PCDHGA3: variants seen among roughly 807,000 people sequenced by gnomAD.
The protein encoded by PCDHGA3 is protocadherin gamma subfamily A, 3, also known as protocadherin gamma-A3.
Under a neutral mutation model 58.5 loss-of-function variants are expected in PCDHGA3, and 40 were observed. That is an observed-to-expected ratio of 0.68 (90% CI 0.53 to 0.89). The LOEUF (loss-of-function observed/expected upper bound fraction) is 0.89, where lower values mean the gene tolerates loss of function less well. Among genes scored for constraint, PCDHGA3 ranks in the 40% least tolerant of loss-of-function variants. The pLI is 0.00. For synonymous variants in PCDHGA3, 530 were observed against 525.7 expected, an observed-to-expected ratio of 1.01 and a Z score of -0.11; for missense variants, 1,223 against 1,195.9, an observed-to-expected ratio of 1.02 and a Z score of -0.33.
At chr5:141,455,899 ATTTATTT>A (rs1441561749) in intron 1 of PCDHGA3, among the ~76,000 whole-genome samples, 5 of 148,258 alleles carry the variant, frequency 3.4e-5, no homozygotes, top group African/African-American at 1.2e-4. Context: ...TTATTTATTT[ATTTATTT>A]ATTTATTTTG....
At position 141,371,773 on chromosome 5, in the gene PCDHGA3, A is replaced by C. The variant is rs148367405; in HGVS notation, c.2424+25316A>C. The C allele has an allele frequency of 2.9e-5, 46 of 1,614,020 alleles. No individual in the cohort carries two copies. In the Middle Eastern group the frequency reaches 6.6e-4, roughly 23 times the overall value. On this transcript the variant is annotated intron_variant, in intron 1 of 3. Coordinates refer to ENST00000253812, the MANE Select transcript of PCDHGA3 (RefSeq NM_018916.4). ...TTCCACCAGGCCTCCTACACCGTGC[A>C]TGTAGCTGAGAACAATCCGCCTGGA...
intron 1 of PCDHGA3, among the ~76,000 whole-genome samples, chr5:141,469,684 T>C (rs1471928749): frequency 6.6e-6 from 1 of 152,256 alleles, no homozygotes; most frequent in Non-Finnish European, 1.5e-5. Flanking sequence ...ACATATGCAT[T>C]GGTCCTATGA....
chr5:141,361,618 G>C, intron 1 of PCDHGA3: 1 of 1,613,956 alleles, frequency 6.2e-7, no homozygotes, highest in Non-Finnish European at 8.5e-7. Context: ...CGTAGCGAGC[G>C]ACCTGAAGCC....
chr5:141,372,063 G>T, intron 1 of PCDHGA3: 2 of 1,613,548 alleles, frequency 1.2e-6, no homozygotes. Context: ...CGACCGCAAC[G>T]ACAATGCACC....
At chr5:141,466,019 G>C (rs1466918487) in intron 1 of PCDHGA3, among the ~76,000 whole-genome samples, 1 of 152,062 alleles carries the variant, frequency 6.6e-6, no homozygotes, top group African/African-American at 2.4e-5. Flanking sequence ...CTACTCGGGA[G>C]GGTGAGGCAG....
At chr5:141,366,457 C>A (rs747734622) in intron 1 of PCDHGA3, 11 of 1,614,106 alleles carry the variant, frequency 6.8e-6, no homozygotes, top group Non-Finnish European at 6.8e-6. Flanking sequence ...CCTTCGTCAT[C>A]GTGCTGCTGG....
At chr5:141,482,530 CAAAAAAA>C (rs3074545) in intron 1 of PCDHGA3, among the ~76,000 whole-genome samples, 2 of 76,560 alleles carry the variant, frequency 2.6e-5, no homozygotes, top group South Asian at 4.6e-4. Flanking sequence ...GACAGACATG[CAAAAAAA>C]AAAAAAAAAA....
chr5:141,427,370 G>A (rs915167509), intron 1 of PCDHGA3: 17 of 457,836 alleles, frequency 3.7e-5, no homozygotes, highest in African/African-American at 2.4e-4. Flanking sequence ...AACCCTGGAC[G>A]GTGATCACTC....
chr5:141,364,645 C>T (rs1036042236), intron 1 of PCDHGA3: 2 of 1,613,960 alleles, frequency 1.2e-6, no homozygotes, highest in African/African-American at 2.7e-5. Context: ...GTGTGGTGAA[C>T]TTTAACATCT....
intron 1 of PCDHGA3, among the ~76,000 whole-genome samples, chr5:141,407,088 G>T (rs955657125): frequency 4.6e-5 from 7 of 152,058 alleles, no homozygotes; most frequent in African/African-American, 1.7e-4. Context: ...ATGAAGAATT[G>T]TTTTATTTGT....
intron 1 of PCDHGA3, among the ~76,000 whole-genome samples, chr5:141,472,913 G>A (rs1049221725): frequency 2.0e-5 from 3 of 147,764 alleles, no homozygotes; most frequent in African/African-American, 2.5e-5. Context: ...TTGAACCCAA[G>A]AGGAGGAGGT....
chr5:141,353,718 G>T (rs1759367007), intron 1 of PCDHGA3, among the ~76,000 whole-genome samples: 1 of 152,128 alleles, frequency 6.6e-6, no homozygotes, highest in Non-Finnish European at 1.5e-5. Context: ...CTTTAGTGTA[G>T]ATTTCTGAGG....
In PCDHGA3 at chr5:141,477,928, C is replaced by T; in HGVS notation, c.2425-16879C>T. On this transcript the variant is annotated intron_variant, in intron 1 of 3. Coordinates refer to ENST00000253812, the MANE Select transcript of PCDHGA3 (RefSeq NM_018916.4). This position sits in a 1 kb window ranked among gnomAD's most constrained non-coding sequence, Gnocchi z 4.9. ...GGGACGCGGATGCAGGGCACAATGC[C>T]TGGCTCTCCTACAGTCTCTTGGGAT... The T allele has an allele frequency of 6.2e-7, 1 of 1,614,186 alleles. No individual in the cohort carries two copies.
At position 141,344,410 on chromosome 5, in the gene PCDHGA3, T is replaced by C. The variant is rs770238038; in HGVS notation, c.377T>C (p.Ile126Thr). 6.2e-7 allele frequency: 1 copy of C among 1,612,144 alleles called. No homozygotes were observed. The highest frequency in any genetic ancestry group is 1.7e-5 in the Admixed American group (1 of 59,784). Residue 126 changes from isoleucine (I) to threonine (T), a missense_variant, in exon 1 of 4, where the codon ATT becomes ACT. This residue lies in a region of PCDHGA3 where 791 missense variants were observed against 708.5 expected (regional missense o/e 1.12). Transcript: ENST00000253812. ...IFEVEIEIKD[I>T]NDNAPNFPTE... The stretch of plus-strand genomic sequence containing the variant: ...GAAGTAGAAATAGAAATTAAAGATA[T>C]TAATGATAATGCTCCTAATTTCCCA...
rs78612001 is a variant in PCDHGA3 at position 141,432,435 on chromosome 5, C to A, written c.2425-62372C>A. ...TTCGTGCTGGACCAGAACGACAATG[C>A]GCCCGAGATCCTGTACCCCGCCCTC... On this transcript the variant is annotated intron_variant, in intron 1 of 3. Coordinates refer to ENST00000253812, the MANE Select transcript of PCDHGA3 (RefSeq NM_018916.4). The surrounding 1 kb of genome is among the most constrained non-coding windows in gnomAD (Gnocchi z 6.0). The A allele has an allele frequency of 0.027, 43,228 of 1,614,212 alleles. 830 individuals are homozygous for A. The highest frequency in any genetic ancestry group is 0.092 in the African/African-American group (6,903 of 75,054).
intron 1 of PCDHGA3, among the ~76,000 whole-genome samples, chr5:141,474,862 T>C (rs1281140736): frequency 6.6e-6 from 1 of 152,264 alleles, no homozygotes; most frequent in Non-Finnish European, 1.5e-5. Context: ...CTTCATTTAA[T>C]AGGATAGGAG....
intron 1 of PCDHGA3, among the ~76,000 whole-genome samples, chr5:141,456,105 G>T (rs2098843517): frequency 6.6e-6 from 1 of 151,978 alleles, no homozygotes; most frequent in Non-Finnish European, 1.5e-5. Context: ...CACCGTGTTA[G>T]CCAGGATGGT....
chr5:141,385,481 G>A, intron 1 of PCDHGA3: 8 of 1,422,472 alleles, frequency 5.6e-6, no homozygotes, highest in Non-Finnish European at 6.4e-6. Context: ...CTTTAATATA[G>A]AACACATAGG....
At chr5:141,423,757 G>C (rs562479446) in intron 1 of PCDHGA3, 29 of 395,138 alleles carry the variant, frequency 7.3e-5, no homozygotes, top group African/African-American at 6.1e-4. Flanking sequence ...GTTTGGGGGG[G>C]GGGTGGGGCG....
Sources: allele counts gnomAD v4.1 joint callset (sites outside exome capture counted in the v4.1 genomes callset), GRCh38; gene constraint gnomAD v4.1.1; regional missense constraint gnomAD v4.1.1; non-coding constraint Gnocchi (gnomAD v3.1); transcripts MANE v1.5; gene names NCBI Gene and HGNC (gene_info 2026-07-23, HGNC 2026-07-21).